TLE4: variants seen among roughly 807,000 people sequenced by gnomAD.
TLE4 encodes the protein TLE family member 4, transcriptional corepressor, also known as transducin-like enhancer protein 4.
Under a neutral mutation model 92.8 loss-of-function variants are expected in TLE4, and 8 were observed. The ratio of observed to expected loss-of-function variants is 0.09; its 90% CI spans 0.05 to 0.16. TLE4 has a LOEUF of 0.16. TLE4 is among the 10% of genes least tolerant of loss of function. The probability of loss-of-function intolerance (pLI) is 1.00; values close to 1 mark genes in which losing one functional copy is unlikely to be tolerated. For synonymous variants in TLE4, 371 were observed against 374.1 expected (o/e 0.99, Z 0.10); for missense variants, 675 against 997.6 (o/e 0.68, Z 4.36).
At chr9:79,591,261 G>A (rs2042475507) in intron 4 of TLE4, among the ~76,000 whole-genome samples, 1 of 152,178 alleles carries the variant, frequency 6.6e-6, no homozygotes. Flanking sequence ...GAGGAGGTGG[G>A]CACAGTTTAG....
intron 8 of TLE4, among the ~76,000 whole-genome samples, chr9:79,679,571 G>C (rs1322410523): frequency 6.6e-6 from 1 of 152,128 alleles, no homozygotes; most frequent in Non-Finnish European, 1.5e-5. Flanking sequence ...TAGGTTGCCT[G>C]TTCACTCTGA....
Position 79,654,352 on chromosome 9 carries a change from A to T in TLE4, c.609+277A>T, listed in dbSNP as rs1311246244. Among the ~76,000 whole-genome samples the T allele has an allele frequency of 2.0e-5, 3 of 151,556 alleles. No homozygotes were observed. In the East Asian group the frequency reaches 5.8e-4, roughly 29 times the overall value. On this transcript the variant is annotated intron_variant, in intron 8 of 19. Coordinates refer to ENST00000376552, the MANE Select transcript of TLE4 (RefSeq NM_007005.6). ...ATTATTTGCCATGTGAAAAAAAAAT[A>T]ACTGCTTTTCTTCACTTAGGCTTTG... is the stretch of plus-strand genomic sequence containing the variant.
chr9:79,716,866 C>T (rs756597585), intron 14 of TLE4, among the ~76,000 whole-genome samples: 7 of 152,168 alleles, frequency 4.6e-5, no homozygotes, highest in Non-Finnish European at 1.0e-4. Flanking sequence ...AAGGTGTGTG[C>T]ATTTCTTTCT....
intron 8 of TLE4, among the ~76,000 whole-genome samples, chr9:79,674,196 C>T (rs899772566): frequency 6.6e-6 from 1 of 152,174 alleles, no homozygotes; most frequent in Non-Finnish European, 1.5e-5. Flanking sequence ...AGCTCTGCCC[C>T]TGCTAGCTTT....
intron 6 of TLE4, among the ~76,000 whole-genome samples, chr9:79,644,638 G>A (rs2057790830): frequency 6.6e-6 from 1 of 152,224 alleles, no homozygotes; most frequent in African/African-American, 2.4e-5. Context: ...ACAGACAGGA[G>A]CGAGGCCAGC....
chr9:79,598,651 T>C (rs1229792733), intron 4 of TLE4, among the ~76,000 whole-genome samples: 5 of 152,210 alleles, frequency 3.3e-5, no homozygotes, highest in African/African-American at 1.2e-4. Context: ...CAGACTATAA[T>C]GCAGTATATG....
At chr9:79,680,535 A>G (rs904703613) in intron 8 of TLE4, among the ~76,000 whole-genome samples, 28 of 152,288 alleles carry the variant, frequency 1.8e-4, no homozygotes, top group South Asian at 6.2e-4. Context: ...GGCTGAGACA[A>G]TGGAGTTTTC....
At chr9:79,647,249 G>A (rs1357302440) in intron 6 of TLE4, among the ~76,000 whole-genome samples, 1 of 151,988 alleles carries the variant, frequency 6.6e-6, no homozygotes, top group African/African-American at 2.4e-5. Flanking sequence ...AAGAATATAT[G>A]GGAACTCTAT....
At chr9:79,668,694 G>T (rs572901720) in intron 8 of TLE4, 23 of 335,818 alleles carry the variant, frequency 6.8e-5, no homozygotes, top group African/African-American at 5.1e-4. Context: ...CAGGCATGAC[G>T]TTGAGGTGGG....
At chr9:79,577,653 G>GGA (rs1162083494) in intron 4 of TLE4, among the ~76,000 whole-genome samples, 1 of 152,072 alleles carries the variant, frequency 6.6e-6, no homozygotes, top group Admixed American at 6.6e-5. Flanking sequence ...TTTGAGGTCT[G>GGA]GATCTTGTGT....
At chr9:79,706,921 C>T (rs2071746900) in intron 11 of TLE4, 22 bp downstream of exon 11, 3 of 1,609,438 alleles carry the variant, frequency 1.9e-6, no homozygotes, top group Non-Finnish European at 8.5e-7. Flanking sequence ...CTTACCATCT[C>T]TCTGAGTGTG....
chr9:79,628,732 A>G (rs919589712), intron 6 of TLE4, among the ~76,000 whole-genome samples: 2 of 152,190 alleles, frequency 1.3e-5, no homozygotes, highest in African/African-American at 2.4e-5. Flanking sequence ...AATGTTTGTC[A>G]TACATTTTGT....
intron 8 of TLE4, among the ~76,000 whole-genome samples, chr9:79,681,467 T>C (rs2064561382): frequency 6.6e-6 from 1 of 152,176 alleles, no homozygotes; most frequent in Admixed American, 6.6e-5. Context: ...TCATTGGATA[T>C]AGGCTCTTTC....
rs548804039 is a variant in TLE4 at position 79,638,871 on chromosome 9, A to T, written c.390+11423A>T. Among the ~76,000 whole-genome samples the T allele has an allele frequency of 9.2e-5, 14 of 152,170 alleles. 1 individual carries two copies. Among genetic ancestry groups the T allele is most frequent in the African/African-American group, 3.4e-4 (14 of 41,538 alleles). On this transcript the variant is annotated intron_variant, in intron 6 of 19. Coordinates refer to ENST00000376552, the MANE Select transcript of TLE4 (RefSeq NM_007005.6). ...CAGAATGGCCTCTGAGCAAAGATAGATGTCGAGGCAGGCTTTGTTGTTTGT... is the reference window on the plus strand; with the variant it reads ...CAGAATGGCCTCTGAGCAAAGATAGTTGTCGAGGCAGGCTTTGTTGTTTGT...
At chr9:79,589,302 A>G (rs2041969697) in intron 4 of TLE4, among the ~76,000 whole-genome samples, 1 of 152,202 alleles carries the variant, frequency 6.6e-6, no homozygotes, top group South Asian at 2.1e-4. Context: ...CTTTAAACGT[A>G]CTTAACCTTT....
chr9:79,581,159 A>G (rs2039554091), intron 4 of TLE4, among the ~76,000 whole-genome samples: 1 of 152,186 alleles, frequency 6.6e-6, no homozygotes, highest in Non-Finnish European at 1.5e-5. Flanking sequence ...TAGGAGGCCA[A>G]CTTCATTTAC....
At chr9:79,607,560 G>C (rs546173521) in intron 4 of TLE4, among the ~76,000 whole-genome samples, 2 of 152,272 alleles carry the variant, frequency 1.3e-5, no homozygotes, top group South Asian at 4.1e-4. Flanking sequence ...TAAGGTGTAA[G>C]GAAGGGATCC....
At chr9:79,661,055 T>C (rs1319927465) in intron 8 of TLE4, among the ~76,000 whole-genome samples, 2 of 152,238 alleles carry the variant, frequency 1.3e-5, no homozygotes, top group African/African-American at 4.8e-5. Context: ...TTAATTAGGA[T>C]GCATTTCATC....
chr9:79,719,114 T>C, intron 15 of TLE4, 143 bp downstream of exon 15: 1 of 1,270,604 alleles, frequency 7.9e-7, no homozygotes, highest in Non-Finnish European at 1.1e-6. Context: ...ATCTTTCACT[T>C]GGAGGTGTGT....
Sources: gnomAD v4.1 joint callset for allele counts (sites outside exome capture counted in the v4.1 genomes callset) on GRCh38, gnomAD v4.1.1 for gene constraint, MANE v1.5 for transcripts, NCBI Gene and HGNC (gene_info 2026-07-23, HGNC 2026-07-21) for gene names.